Variants in C20orf96 observed in about 807,000 individuals in gnomAD.
C20orf96 encodes the protein uncharacterized protein C20orf96.
Under a neutral mutation model 52.6 loss-of-function variants are expected in C20orf96, and 57 were observed. The observed-to-expected ratio is 1.08, with a 90% CI of 0.88 to 1.35. C20orf96 has a LOEUF of 1.35. C20orf96 is among the 40% of genes most tolerant of loss of function. The pLI is 0.00. For missense variants in C20orf96, 478 were observed against 443.6 expected, an observed-to-expected ratio of 1.08 and a Z score of -0.70; for synonymous variants, 168 against 157.2, an observed-to-expected ratio of 1.07 and a Z score of -0.51.
chr20:284,334 G>A (rs1049424027), intron 3 of C20orf96, among the ~76,000 whole-genome samples: 2 of 152,210 alleles, frequency 1.3e-5, no homozygotes, highest in African/African-American at 2.4e-5. Flanking sequence ...ACAGAGGGGA[G>A]GGCAGGGCAG....
At chr20:273,894 A>G (rs185698357) in intron 10 of C20orf96, among the ~76,000 whole-genome samples, 14,765 of 72,438 alleles carry the variant, frequency 0.2, 1,623 homozygotes, top group South Asian at 0.31. Context: ...AGGAAGGAAG[A>G]AAGGAAGGAA....
Position 279,337 on chromosome 20 carries a change from G to A in C20orf96, c.307-7C>T. 1 of 1,599,262 alleles carries A rather than the reference G, an allele frequency of 6.3e-7. No homozygotes were observed. Among genetic ancestry groups the A allele is most frequent in the Non-Finnish European group, 8.5e-7 (1 of 1,177,868 alleles). Reference sequence around the variant, plus strand: ...TCCCGCTCCTGAGCGAGGTCTGCGGGCGGAGGGAAGAGCAGAGAGGCGGCG... The same window carrying A: ...TCCCGCTCCTGAGCGAGGTCTGCGGACGGAGGGAAGAGCAGAGAGGCGGCG... On this transcript the variant is annotated splice_polypyrimidine_tract_variant and splice_region_variant and intron_variant, in intron 4 of 10. Transcript: ENST00000360321.
chr20:274,883 A>T (rs904774606), intron 10 of C20orf96, among the ~76,000 whole-genome samples: 1 of 151,982 alleles, frequency 6.6e-6, no homozygotes, highest in Non-Finnish European at 1.5e-5. Flanking sequence ...GCAGTGGCAC[A>T]ATCTCGGCTG....
At chr20:275,451 C>T (rs538561474) in intron 10 of C20orf96, among the ~76,000 whole-genome samples, 1 of 152,332 alleles carries the variant, frequency 6.6e-6, no homozygotes, top group Admixed American at 6.5e-5. Context: ...GGCTCTGCCA[C>T]ACATGGTCCT....
In C20orf96 at chr20:290,243, G is replaced by C; in HGVS notation, c.69+16C>G. 3 of 1,605,194 alleles carry C rather than the reference G, an allele frequency of 1.9e-6. No individual in the cohort carries two copies. The highest frequency in any genetic ancestry group is 2.2e-5 in the South Asian group (2 of 90,110). ...CAGCGAGCCTCCCACCCCAGCCCTAGTCCCCCAAGACTCACCGGAACCTGG... is the reference window on the plus strand; with the variant it reads ...CAGCGAGCCTCCCACCCCAGCCCTACTCCCCCAAGACTCACCGGAACCTGG... On this transcript the variant is annotated intron_variant, in intron 2 of 10. Transcript: ENST00000360321.
At chr20:282,859 G>A (rs748241564) in intron 4 of C20orf96, among the ~76,000 whole-genome samples, 1 of 152,012 alleles carries the variant, frequency 6.6e-6, no homozygotes, top group Non-Finnish European at 1.5e-5. Context: ...GTGACGGAGT[G>A]AAACTCTGTC....
At chr20:281,673 G>A (rs527972681) in intron 4 of C20orf96, among the ~76,000 whole-genome samples, 1 of 152,274 alleles carries the variant, frequency 6.6e-6, no homozygotes, top group Non-Finnish European at 1.5e-5. Flanking sequence ...CTATTATTAG[G>A]CCAACTTTAT....
rs1399051778 is a variant in C20orf96, at chr20:276,014, C to T, written c.985G>A (p.Glu329Lys). 1.9e-6 allele frequency: 3 copies of T among 1,614,146 alleles called. No individual in the cohort carries two copies. The highest frequency in any genetic ancestry group is 1.7e-5 in the Admixed American group (1 of 60,026). The change falls in exon 10 of 11, where the codon GAA becomes AAA. Residue 329 changes from glutamate to lysine, a missense_variant. Physicochemically the swap from Glu to Lys is moderately conservative, Grantham distance 56. Transcript: ENST00000360321. The stretch of plus-strand genomic sequence containing the variant: ...TCCTCAAATATGACCTCTCGGGGTT[C>T]CCGGGTCTGGGCTTGGAGCTCTTCC... ...EVEELQAQTR[E>K]PREVIFEDVL...
intron 9 of C20orf96, 62 bp downstream of exon 9, chr20:276,731 G>A: frequency 6.3e-7 from 1 of 1,577,988 alleles, no homozygotes; most frequent in Non-Finnish European, 8.6e-7. Flanking sequence ...ATTCCCACAG[G>A]CCGTGGGGAC....
At chr20:288,038 A>C (rs2012433159) in intron 3 of C20orf96, among the ~76,000 whole-genome samples, 1 of 151,170 alleles carries the variant, frequency 6.6e-6, no homozygotes, top group Admixed American at 6.6e-5. Flanking sequence ...ACTTGGCCCT[A>C]GGCCCCAAAG....
At chr20:271,804 TA>T (rs2011850141) in intron 10 of C20orf96, among the ~76,000 whole-genome samples, 1 of 152,202 alleles carries the variant, frequency 6.6e-6, no homozygotes, top group South Asian at 2.1e-4. Flanking sequence ...GTGGAAAGAT[TA>T]AATGAGACCA....
At chr20:273,945 AAAGAAAGAAGG>A in intron 10 of C20orf96, among the ~76,000 whole-genome samples, 1 of 141,470 alleles carries the variant, frequency 7.1e-6, no homozygotes, top group Non-Finnish European at 1.6e-5. Context: ...GAGGGGAAAG[AAAGAAAGAAGG>A]AAGAAAGAAA....
chr20:287,041 T>C (rs1001749760), intron 3 of C20orf96, among the ~76,000 whole-genome samples: 1 of 152,210 alleles, frequency 6.6e-6, no homozygotes, highest in Non-Finnish European at 1.5e-5. Context: ...GGATACACCA[T>C]AGGTTGTTTA....
intron 9 of C20orf96, 48 bp from the exon 10 acceptor site, chr20:276,134 C>T: frequency 3.1e-6 from 5 of 1,610,932 alleles, no homozygotes; most frequent in Non-Finnish European, 4.2e-6. Context: ...AAATGGCCCC[C>T]AACCAAAGGG....
intron 9 of C20orf96, chr20:276,399 A>C: frequency 2.0e-6 from 2 of 985,414 alleles, no homozygotes; most frequent in Non-Finnish European, 2.4e-6. Context: ...ATACACATTA[A>C]AAACCAGTGA....
chr20:290,346 C>T, intron 1 of C20orf96, 39 bp from the exon 2 acceptor site: 1 of 1,608,428 alleles, frequency 6.2e-7, no homozygotes, highest in Non-Finnish European at 8.5e-7. Context: ...TCCATTATCC[C>T]CAGCCCAAGG....
intron 10 of C20orf96, among the ~76,000 whole-genome samples, chr20:273,754 G>A (rs2011913597): frequency 6.6e-6 from 1 of 151,976 alleles, no homozygotes; most frequent in African/African-American, 2.4e-5. Context: ...GTGCACACCT[G>A]TAATCCCAGC....
intron 4 of C20orf96, 69 bp downstream of exon 4, chr20:283,894 C>T: frequency 9.0e-7 from 1 of 1,105,668 alleles, no homozygotes; most frequent in Admixed American, 1.7e-5. Context: ...GTTCTCAGCA[C>T]ATGTTTGCTA....
chr20:286,389 C>T (rs557930827), intron 3 of C20orf96, among the ~76,000 whole-genome samples: 1 of 151,938 alleles, frequency 6.6e-6, no homozygotes, highest in Non-Finnish European at 1.5e-5. Context: ...TGGTGGTGCA[C>T]GCCTGTAATC....
Sources: gnomAD v4.1 joint callset for allele counts (sites outside exome capture counted in the v4.1 genomes callset) on GRCh38, gnomAD v4.1.1 for gene constraint, MANE v1.5 for transcripts, NCBI Gene and HGNC (gene_info 2026-07-23, HGNC 2026-07-21) for gene names.